MARCHF1: variants seen among roughly 807,000 people sequenced by gnomAD.
MARCHF1 encodes the protein E3 ubiquitin-protein ligase MARCHF1.
MARCHF1 carries 40 observed loss-of-function variants against 54.2 expected under a neutral mutation model. The observed-to-expected ratio is 0.74, with a 90% CI of 0.57 to 0.96. The LOEUF is 0.96. Ranked by LOEUF, MARCHF1 falls within the 40% of genes least tolerant of loss-of-function variation. The pLI is 0.00. For synonymous variants in MARCHF1, 236 were observed against 236.3 expected (o/e 1.00, Z 0.01); for missense variants, 586 against 656.5 (o/e 0.89, Z 1.17).
At chr4:164,248,219 G>A (rs1172619929) in intron 1 of MARCHF1, among the ~76,000 whole-genome samples, 1 of 151,886 alleles carries the variant, frequency 6.6e-6, no homozygotes, top group Non-Finnish European at 1.5e-5. Flanking sequence ...CAATATTCTC[G>A]AGCTGGTTAT....
At chr4:163,898,052 C>T (rs541097273) in intron 3 of MARCHF1, among the ~76,000 whole-genome samples, 1,041 of 92,886 alleles carry the variant, frequency 0.011, 13 homozygotes, top group Non-Finnish European at 0.016. Context: ...CAGAGTGAGA[C>T]TCCGTCTCAA....
intron 2 of MARCHF1, among the ~76,000 whole-genome samples, chr4:164,036,488 T>C (rs949370347): frequency 6.6e-6 from 1 of 152,184 alleles, no homozygotes; most frequent in African/African-American, 2.4e-5. Context: ...TATAAATATG[T>C]GGAATACATA....
chr4:163,610,518 T>C (rs1016125253), intron 7 of MARCHF1, among the ~76,000 whole-genome samples: 2 of 152,234 alleles, frequency 1.3e-5, no homozygotes, highest in East Asian at 1.9e-4. Flanking sequence ...CCAATTACCA[T>C]TTAGCCTACA....
intron 2 of MARCHF1, among the ~76,000 whole-genome samples, chr4:164,034,061 TGATAGACAGATA>T (rs1173522547): frequency 9.3e-6 from 1 of 107,472 alleles, no homozygotes; most frequent in African/African-American, 3.5e-5. Flanking sequence ...AAAGAAAATG[TGATAGACAGATA>T]GATAGATAGA....
intron 2 of MARCHF1, among the ~76,000 whole-genome samples, chr4:164,066,509 A>G (rs1267266208): frequency 2.0e-5 from 3 of 152,158 alleles, no homozygotes; most frequent in Admixed American, 6.5e-5. Context: ...CAGAAATCTA[A>G]TTACTGGGTA....
intron 1 of MARCHF1, among the ~76,000 whole-genome samples, chr4:164,361,185 C>T (rs1274338370): frequency 6.6e-6 from 1 of 151,996 alleles, no homozygotes; most frequent in Admixed American, 6.6e-5. Context: ...TCTTCTGATG[C>T]TTTATTAGTT....
At chr4:163,696,213 T>C (rs1210286075) in intron 5 of MARCHF1, among the ~76,000 whole-genome samples, 1 of 152,154 alleles carries the variant, frequency 6.6e-6, no homozygotes, top group Non-Finnish European at 1.5e-5. Flanking sequence ...TAATTGCTGT[T>C]GAATAATATA....
At chr4:163,596,264 G>C (rs1383965481) in intron 7 of MARCHF1, among the ~76,000 whole-genome samples, 1 of 152,016 alleles carries the variant, frequency 6.6e-6, no homozygotes, top group Non-Finnish European at 1.5e-5. Flanking sequence ...CTATTGGCTG[G>C]GCGCCGATGG....
intron 1 of MARCHF1, among the ~76,000 whole-genome samples, chr4:164,148,384 G>C (rs1729830650): frequency 6.6e-6 from 1 of 152,086 alleles, no homozygotes; most frequent in Admixed American, 6.6e-5. Flanking sequence ...TCTTGGTTAA[G>C]TAATCCTTTA....
At chr4:164,258,390 G>GCA (rs1560977237) in intron 1 of MARCHF1, among the ~76,000 whole-genome samples, 1 of 90,206 alleles carries the variant, frequency 1.1e-5, no homozygotes, top group African/African-American at 7.1e-5. Flanking sequence ...AGAACTTAAA[G>GCA]TATAATAATA....
rs1302117763 is a variant in MARCHF1, at chr4:164,350,093, CA to C, written c.-323+33776del. Among the ~76,000 whole-genome samples, 8 of 152,194 alleles carry C rather than the reference CA, an allele frequency of 5.3e-5. No individual in the cohort carries two copies. In the East Asian group the frequency reaches 1.5e-3, roughly 29 times the overall value. ...TAAAACATATTCAAGTGAATAAGAA[CA>C]TCTATTTAAACAAATATATACATAT... On this transcript the variant is annotated intron_variant, in intron 1 of 9. Transcript: ENST00000514618.
intron 2 of MARCHF1, among the ~76,000 whole-genome samples, chr4:164,016,037 C>G (rs536194325): frequency 2.6e-5 from 4 of 152,204 alleles, no homozygotes; most frequent in Admixed American, 2.6e-4. Context: ...CCCACAACAG[C>G]TAAGATATGG....
chr4:163,568,120 A>G (rs1202569579), intron 8 of MARCHF1, among the ~76,000 whole-genome samples: 1 of 151,986 alleles, frequency 6.6e-6, no homozygotes, highest in Non-Finnish European at 1.5e-5. Flanking sequence ...TCTCCCTCGC[A>G]TTTCCCATAA....
At chr4:163,835,027 C>T (rs1749141624) in intron 4 of MARCHF1, among the ~76,000 whole-genome samples, 1 of 151,964 alleles carries the variant, frequency 6.6e-6, no homozygotes, top group Non-Finnish European at 1.5e-5. Context: ...GGACTAAAAG[C>T]CCATGCTACC....
chr4:163,599,851 C>G (rs989824185), intron 7 of MARCHF1, among the ~76,000 whole-genome samples: 4 of 152,174 alleles, frequency 2.6e-5, no homozygotes, highest in African/African-American at 9.7e-5. Context: ...TTAGGGCTTC[C>G]CCCGCAAAGG....
intron 2 of MARCHF1, among the ~76,000 whole-genome samples, chr4:164,052,583 G>C (rs527486864): frequency 1.3e-5 from 2 of 151,998 alleles, no homozygotes; most frequent in Non-Finnish European, 2.9e-5. Flanking sequence ...TGTTAGAAGT[G>C]CGCTATAAAA....
chr4:163,573,093 A>G (rs1214732155), intron 8 of MARCHF1, among the ~76,000 whole-genome samples: 1 of 152,090 alleles, frequency 6.6e-6, no homozygotes, highest in African/African-American at 2.4e-5. Flanking sequence ...CTGTCTTATT[A>G]TAATGTTGAT....
At chr4:163,759,027 T>C (rs1369887304) in intron 4 of MARCHF1, among the ~76,000 whole-genome samples, 1 of 152,094 alleles carries the variant, frequency 6.6e-6, no homozygotes, top group African/African-American at 2.4e-5. Context: ...AACTGAAGCA[T>C]CAAAGTAATA....
chr4:163,823,344 A>G (rs1748751912), intron 4 of MARCHF1, among the ~76,000 whole-genome samples: 1 of 151,866 alleles, frequency 6.6e-6, no homozygotes, highest in African/African-American at 2.4e-5. Flanking sequence ...TTGATATATG[A>G]TAGAATCATA....
Sources: gnomAD v4.1 joint callset for allele counts (sites outside exome capture counted in the v4.1 genomes callset) on GRCh38, gnomAD v4.1.1 for gene constraint, MANE v1.5 for transcripts, NCBI Gene and HGNC (gene_info 2026-07-23, HGNC 2026-07-21) for gene names.